The following CNNM3 variants were observed in gnomAD, a reference collection of about 807,000 sequenced individuals.
CNNM3 encodes the protein cyclin and CBS domain divalent metal cation transport mediator 3.
CNNM3 carries 47 observed loss-of-function variants against 57.1 expected under a neutral mutation model. That is an observed-to-expected ratio of 0.82 (90% CI 0.65 to 1.05). The LOEUF (loss-of-function observed/expected upper bound fraction) is 1.05. Among genes scored for constraint, CNNM3 ranks in the 50% least tolerant of loss-of-function variants. The pLI is 0.00. For synonymous variants in CNNM3, 507 were observed against 478.2 expected (o/e 1.06, Z -0.79); for missense variants, 957 against 973.7 (o/e 0.98, Z 0.23).
At chr2:96,837,001 C>CT (rs1240363634), downstream of CNNM3, 1 of 152,186 alleles carries the variant, frequency 6.6e-6, no homozygotes, top group African/African-American at 2.4e-5. Context: ...CATTGAATTA[C>CT]TTTTGCACCT....
chr2:96,829,225 C>A, intron 7 of CNNM3, 91 bp downstream of exon 7: 2 of 1,426,214 alleles, frequency 1.4e-6, no homozygotes, highest in Non-Finnish European at 9.2e-7. Context: ...GCCCCCCCAC[C>A]CTCTGTCTTT....
chr2:96,828,508 G>A lies in CNNM3; in HGVS notation c.1787-59G>A, dbSNP rs943741502. 2.7e-5 allele frequency: 43 copies of A among 1,608,318 alleles called. No individual in the cohort carries two copies. In the East Asian group the frequency reaches 9.1e-4, roughly 34 times the overall value. ...GAAACTGTACAGTTGTCCCCACCAG[G>A]GGAGGAGGCTCCCAGCTGCCAGCAT... is the stretch of plus-strand genomic sequence containing the variant. On this transcript the variant is annotated intron_variant, in intron 5 of 7. Transcript: ENST00000305510.
intron 1 of CNNM3, among the ~76,000 whole-genome samples, chr2:96,820,837 A>C (rs972569892): frequency 3.3e-5 from 5 of 152,156 alleles, no homozygotes; most frequent in Non-Finnish European, 7.4e-5. Flanking sequence ...GTTTGGTTTT[A>C]AGATGGGCAA....
In CNNM3 at chr2:96,832,778, A is replaced by G; in HGVS notation, c.*162A>G. 3 of 1,505,262 alleles carry G rather than the reference A, an allele frequency of 2.0e-6. No homozygotes were observed. Among genetic ancestry groups the G allele is most frequent in the Non-Finnish European group, 2.7e-6 (3 of 1,129,508 alleles). The allele number at this position is 1,505,262 out of a possible 1,614,324, so 93.2% of individuals were successfully genotyped here. On this transcript the variant is annotated 3_prime_UTR_variant, in exon 8 of 8. Transcript: ENST00000305510. ...CTGGGTGTCCTCAGAACTAGACATC[A>G]ATGCCTGGATCCTTCAGCCGGCCCT...
intron 3 of CNNM3, among the ~76,000 whole-genome samples, chr2:96,827,375 C>G (rs2079525918): frequency 6.6e-6 from 1 of 151,840 alleles, no homozygotes; most frequent in African/African-American, 2.4e-5. Flanking sequence ...TCAAGTGATT[C>G]TCCTGCCTCA....
chr2:96,832,389 A>C, intron 7 of CNNM3, 163 bp from the exon 8 acceptor site: 1 of 1,497,572 alleles, frequency 6.7e-7, no homozygotes, highest in East Asian at 2.3e-5. Flanking sequence ...TTGGCTGACC[A>C]TCTGCTAACC....
At chr2:96,824,684 A>C in intron 1 of CNNM3, 1 of 216,484 alleles carries the variant, frequency 4.6e-6, no homozygotes, top group Non-Finnish European at 9.4e-6. Context: ...GTTAGCCTGC[A>C]TGTGCAGGCT....
In CNNM3 at chr2:96,816,353, GAGGCCGCGCCGGGCCCGCGAGTGCTGGGC is replaced by G; in HGVS notation, c.77_105del (p.Glu26ValfsTer94). 7.7e-7 allele frequency: 1 copy of G among 1,293,418 alleles called. No individual in the cohort carries two copies. The allele number at this position is 1,293,418 out of a possible 1,614,324, so 80.1% of individuals were successfully genotyped here. On this transcript the variant is annotated frameshift_variant, in exon 1 of 8. Transcript: ENST00000305510. LOFTEE classifies it high-confidence loss of function. ...GCTCTGCCTGGGCAACGCCGCGGGG[GAGGCCGCGCCGGGCCCGCGAGTGCTGGGC>G]TTCTGCCTGGAGGAGGATGGAGCGG...
In CNNM3 at chr2:96,827,906, T is replaced by C. The variant is rs1574111661; in HGVS notation, c.1689+6T>C. The C allele has an allele frequency of 6.2e-7, 1 of 1,609,364 alleles. No homozygotes were observed. The highest frequency in any genetic ancestry group is 2.2e-5 in the East Asian group (1 of 44,734). On this transcript the variant is annotated splice_donor_region_variant and intron_variant, in intron 4 of 7. Coordinates refer to ENST00000305510, the MANE Select transcript of CNNM3 (RefSeq NM_017623.5). ...ACTTCATTCTCATCCTGCAGGTAGC[T>C]GTGGGTCCCAGGCCTGGAGTCCCTC...
At chr2:96,828,955 C>G (rs982941895) in intron 6 of CNNM3, 41 bp from the exon 7 acceptor site, 2 of 1,605,574 alleles carry the variant, frequency 1.2e-6, no homozygotes, top group African/African-American at 1.3e-5. Flanking sequence ...TTCTGCATCT[C>G]GCTTCACCAA....
intron 3 of CNNM3, among the ~76,000 whole-genome samples, chr2:96,827,265 CTTT>C (rs373030542): frequency 3.7e-5 from 5 of 134,738 alleles, no homozygotes; most frequent in Admixed American, 7.5e-5. Context: ...CTGCCCAGTT[CTTT>C]TTTTTTTTTT....
intron 7 of CNNM3, 160 bp downstream of exon 7, chr2:96,829,294 T>C (rs1442187778): frequency 1.2e-6 from 1 of 845,020 alleles, no homozygotes; most frequent in Non-Finnish European, 1.4e-6. Flanking sequence ...TATATATAAA[T>C]AATTTTTTTT....
chr2:96,827,943 G>A (rs781154754), intron 4 of CNNM3, 43 bp downstream of exon 4: 21 of 1,598,170 alleles, frequency 1.3e-5, no homozygotes, highest in Admixed American at 1.7e-5. Context: ...TGCTTCCTCA[G>A]GCCAGGGAAG....
At chr2:96,825,247 C>CT in intron 2 of CNNM3, 46 bp downstream of exon 2, 1 of 1,603,676 alleles carries the variant, frequency 6.2e-7, no homozygotes, top group Non-Finnish European at 8.5e-7. Context: ...GGCCTGCACA[C>CT]TTCCCCAGGC....
At chr2:96,826,294 C>T (rs1327873299) in intron 2 of CNNM3, among the ~76,000 whole-genome samples, 1 of 152,096 alleles carries the variant, frequency 6.6e-6, no homozygotes, top group African/African-American at 2.4e-5. Context: ...CTTACTGCAG[C>T]CTCAACTTCC....
rs1270977243 is a variant in CNNM3 at position 96,833,072 on chromosome 2, C to T, written c.*456C>T. On this transcript the variant is annotated 3_prime_UTR_variant, in exon 8 of 8. Coordinates refer to ENST00000305510, the MANE Select transcript of CNNM3 (RefSeq NM_017623.5). ...TGCTGGCAGCACTTTTTGAGCAAGC[C>T]GAGAGCACCCATTTTGGCTGGGGGT... 34 of 1,242,814 alleles carry T rather than the reference C, an allele frequency of 2.7e-5. 2 individuals carry two copies. The South Asian group carries it at 2.9e-4, about 11-fold the overall frequency. 77.0% of individuals were successfully genotyped at this position (1,242,814 alleles called of 1,614,324 possible).
intron 7 of CNNM3, among the ~76,000 whole-genome samples, chr2:96,830,419 T>C (rs1455890748): frequency 6.6e-6 from 1 of 152,238 alleles, no homozygotes; most frequent in Non-Finnish European, 1.5e-5. Context: ...CCAGGGACTC[T>C]GACCTGCTTC....
chr2:96,832,366 G>A (rs1414413560), intron 7 of CNNM3, 186 bp from the exon 8 acceptor site: 10 of 1,471,400 alleles, frequency 6.8e-6, no homozygotes, highest in Non-Finnish European at 9.0e-6. Context: ...CCGTCTCCCA[G>A]GGAAGGCATC....
Position 96,835,268 on chromosome 2 carries a change from C to T in CNNM3, c.*2652C>T, listed in dbSNP as rs2079673459. Among the ~76,000 whole-genome samples the T allele has an allele frequency of 6.6e-6, 1 of 152,158 alleles. No homozygotes were observed. The highest frequency in any genetic ancestry group is 2.4e-5 in the African/African-American group (1 of 41,428). On this transcript the variant is annotated 3_prime_UTR_variant, in exon 8 of 8. Coordinates refer to ENST00000305510, the MANE Select transcript of CNNM3 (RefSeq NM_017623.5). ...AGGCATTGCATGTGTCAACAGTTTG[C>T]TCCTTTTTATTGCTGAGTGGTATTC... is the stretch of plus-strand genomic sequence containing the variant.
Sources: gnomAD v4.1 joint callset for allele counts (sites outside exome capture counted in the v4.1 genomes callset) on GRCh38, gnomAD v4.1.1 for gene constraint, MANE v1.5 for transcripts, NCBI Gene and HGNC (gene_info 2026-07-23, HGNC 2026-07-21) for gene names.